LRRC24: variants seen among roughly 807,000 people sequenced by gnomAD.
The protein encoded by LRRC24 is leucine rich repeat containing 24.
LRRC24 carries 19 observed loss-of-function variants against 15.3 expected under a neutral mutation model. The observed-to-expected ratio is 1.25, with a 90% confidence interval of 0.87 to 1.83. The LOEUF is 1.83. LRRC24 is among the 40% of genes most tolerant of loss of function. LRRC24 has a pLI of 0.00. For synonymous variants in LRRC24, 469 were observed against 359.6 expected, an observed-to-expected ratio of 1.30 and a Z score of -3.44; for missense variants, 914 against 723.9, an observed-to-expected ratio of 1.26 and a Z score of -3.01.
At position 144,523,092 on chromosome 8, in the gene LRRC24, G is replaced by C; in HGVS notation, c.925C>G (p.Gln309Glu). The C allele has an allele frequency of 6.2e-7, 1 of 1,608,886 alleles. No homozygotes were observed. The highest frequency in any genetic ancestry group is 8.5e-7 in the Non-Finnish European group (1 of 1,179,360). ...PREGRPRAQA[Q>E]LEGGLLGLGG... ...AGGCCCAGCAACCCGCCTTCTAGCT[G>C]GGCCTGGGCTCGCGGCCGGCCCTCG... The change falls in exon 5 of 5, where the codon CAG becomes GAG. Residue 309 changes from glutamine (Q) to glutamate (E), a missense_variant. By Grantham distance (29) the Gln-to-Glu change is conservative. Transcript: ENST00000529415.
Position 144,524,948 on chromosome 8 carries a change from C to T in LRRC24, c.27G>A (p.Leu9=). The part of the protein sequence containing the change: MALRAPAL[L]PLLLLLLPLR... ...GCGGCAGTAGTAGCAGCAGCAGCGG[C>T]AGCAGTGCGGGGGCCCTCAGGGCCA... Residue 9 remains leucine, a synonymous_variant, in exon 2 of 5, where the codon CTG becomes CTA. Transcript: ENST00000529415. 1 of 1,504,804 alleles carries T rather than the reference C, an allele frequency of 6.6e-7. No individual in the cohort carries two copies. Among genetic ancestry groups the T allele is most frequent in the African/African-American group, 1.4e-5 (1 of 71,726 alleles). 93.2% of individuals were successfully genotyped at this position (1,504,804 alleles called of 1,614,324 possible).
In LRRC24 at chr8:144,523,208, G is replaced by T. The variant is rs1816199052; in HGVS notation, c.809C>A (p.Thr270Lys). The change falls in exon 5 of 5, where the codon ACA (threonine) becomes AAA (lysine). Residue 270 changes from threonine to lysine, a missense_variant. By Grantham distance (78) the Thr-to-Lys change is moderately conservative. Coordinates refer to ENST00000529415, the MANE Select transcript of LRRC24 (RefSeq NM_001024678.4). ...PSVHVQPLEL[T>K]ANLGEDLRVA... ...CCGCAGGTCCTCACCCAGGTTGGCT[G>T]TGAGCTCCAGCGGCTGCACGTGGAC... 6.2e-7 allele frequency: 1 copy of T among 1,609,472 alleles called. No homozygotes were observed. The highest frequency in any genetic ancestry group is 2.2e-5 in the East Asian group (1 of 44,690).
chr8:144,525,019 C>T lies in LRRC24; in HGVS notation c.-45G>A. ...CACCGGCCCTTCCGCGGTTCAGCCG[C>T]AGACGCGTGCCCTCCTGAAACACAG... On this transcript the variant is annotated 5_prime_UTR_variant, in exon 2 of 5. Transcript: ENST00000529415. The T allele has an allele frequency of 2.1e-6, 3 of 1,395,406 alleles. No individual in the cohort carries two copies. Among genetic ancestry groups the T allele is most frequent in the African/African-American group, 3.0e-5 (2 of 66,498 alleles). The allele number at this position is 1,395,406 out of a possible 1,614,324, so 86.4% of individuals were successfully genotyped here. A position where few individuals can be genotyped will look rare whatever the true frequency, so the allele number is the denominator to read the frequency against.
In LRRC24 at chr8:144,524,660, G is replaced by T. The variant is rs1277427461; in HGVS notation, c.219C>A (p.Leu73=). The T allele has an allele frequency of 2.0e-6, 3 of 1,495,360 alleles. No homozygotes were observed. The highest frequency in any genetic ancestry group is 2.6e-6 in the Non-Finnish European group (3 of 1,132,640). 92.6% of individuals were successfully genotyped at this position (1,495,360 alleles called of 1,614,324 possible). Residue 73 remains leucine, a synonymous_variant, in exon 3 of 5, where the codon CTC becomes CTA. Coordinates refer to ENST00000529415, the MANE Select transcript of LRRC24 (RefSeq NM_001024678.4). The stretch of plus-strand genomic sequence containing the variant: ...GCAGGTAGAGCCGGCGCAGAGCGGC[G>T]AGTGGCGCCAGGGCTCCCGGCTCTA... ...ARLEPGALAP[L]AALRRLYLHN... is the part of the protein sequence containing the mutation.
chr8:144,524,942 C>A lies in LRRC24; in HGVS notation c.33G>T (p.Leu11=). Reference sequence around the variant, plus strand: ...CGCGGAGCGGCAGTAGTAGCAGCAGCAGCGGCAGCAGTGCGGGGGCCCTCA... The same window carrying A: ...CGCGGAGCGGCAGTAGTAGCAGCAGAAGCGGCAGCAGTGCGGGGGCCCTCA... MALRAPALLP[L]LLLLLPLRAA... The change falls in exon 2 of 5, where the codon CTG becomes CTT. Residue 11 remains leucine, a synonymous_variant. Coordinates refer to ENST00000529415, the MANE Select transcript of LRRC24 (RefSeq NM_001024678.4). The A allele has an allele frequency of 2.3e-5, 35 of 1,506,114 alleles. No individual in the cohort carries two copies. Among genetic ancestry groups the A allele is most frequent in the Non-Finnish European group, 3.1e-5 (35 of 1,129,094 alleles). The allele number at this position is 1,506,114 out of a possible 1,614,324, so 93.3% of individuals were successfully genotyped here.
At chr8:144,523,783 CCT>C in intron 4 of LRRC24, 2 of 413,184 alleles carry the variant, frequency 4.8e-6, no homozygotes, top group Non-Finnish European at 8.6e-6. Flanking sequence ...CTTTGGATGC[CCT>C]CTCTTGGGAA....
chr8:144,522,760 C>T lies in LRRC24; in HGVS notation c.1257G>A (p.Leu419=), dbSNP rs552819372. 7.0e-6 allele frequency: 11 copies of T among 1,578,294 alleles called. No homozygotes were observed. In the African/African-American group the frequency reaches 9.6e-5, roughly 14 times the overall value. The change falls in exon 5 of 5, where the codon CTG becomes CTA. Residue 419 remains leucine, a synonymous_variant. Transcript: ENST00000529415. ...GGCGACAGATCATGGCGACCAGGAG[C>T]AGCGCCGTGAGCGCCAGCAGCGCGA... The part of the protein sequence containing the change: ...AAIALLALTA[L]LLVAMICRRR...
In LRRC24 at chr8:144,524,490, G is replaced by T. The variant is rs1224660412; in HGVS notation, c.389C>A (p.Ala130Glu). ...CAGCAGCCGCGCCAGCTGGTTGCCC[G>T]CCAGGTAGAGCACGCGCAGCTGGGC... The part of the protein sequence containing the change: ...GLAQLRVLYL[A>E]GNQLARLLDF... Residue 130 changes from alanine (A) to glutamate (E), a missense_variant, in exon 3 of 5, where the codon GCG (alanine) becomes GAG (glutamate). Physicochemically the swap from Ala to Glu is moderately radical, Grantham distance 107. Coordinates refer to ENST00000529415, the MANE Select transcript of LRRC24 (RefSeq NM_001024678.4). The T allele has an allele frequency of 1.6e-5, 26 of 1,597,436 alleles. No individual in the cohort carries two copies. Among genetic ancestry groups the T allele is most frequent in the Non-Finnish European group, 2.2e-5 (26 of 1,179,730 alleles).
At chr8:144,523,438 C>T (rs764727381) in intron 4 of LRRC24, 29 bp from the exon 5 acceptor site, 11 of 1,506,506 alleles carry the variant, frequency 7.3e-6, no homozygotes, top group Middle Eastern at 1.8e-4. Context: ...AGGCAGGTGG[C>T]TTGAGGGTGC....
At position 144,524,840 on chromosome 8, in the gene LRRC24, C is replaced by G. The variant is rs1038035739; in HGVS notation, c.135G>C (p.Pro45=). Residue 45 remains proline (P), a synonymous_variant, in exon 2 of 5, where the codon CCG becomes CCC. Coordinates refer to ENST00000529415, the MANE Select transcript of LRRC24 (RefSeq NM_001024678.4). ...CCTGCGTCCCTGGCGGGATTCCCAGCGGGACGACGCGCAACCGCAGGGCGC... is the reference window on the plus strand; with the variant it reads ...CCTGCGTCCCTGGCGGGATTCCCAGGGGGACGACGCGCAACCGCAGGGCGC... ...ECGALRLRVV[P]LGIPPGTQTL... is the part of the protein sequence containing the mutation. 1.4e-6 allele frequency: 2 copies of G among 1,479,010 alleles called. No homozygotes were observed. Among genetic ancestry groups the G allele is most frequent in the African/African-American group, 1.4e-5 (1 of 70,250 alleles). 91.6% of individuals were successfully genotyped at this position (1,479,010 alleles called of 1,614,324 possible). A position where few individuals can be genotyped will look rare whatever the true frequency, so the allele number is the denominator to read the frequency against.
At position 144,525,025 on chromosome 8, in the gene LRRC24, C is replaced by A. The variant is rs1038063844; in HGVS notation, c.-51G>T. 26 of 1,381,574 alleles carry A rather than the reference C, an allele frequency of 1.9e-5. No homozygotes were observed. Among genetic ancestry groups the A allele is most frequent in the African/African-American group, 3.0e-5 (2 of 65,848 alleles). The allele number at this position is 1,381,574 out of a possible 1,614,324, so 85.6% of individuals were successfully genotyped here. On this transcript the variant is annotated 5_prime_UTR_variant, in exon 2 of 5. Coordinates refer to ENST00000529415, the MANE Select transcript of LRRC24 (RefSeq NM_001024678.4). Reference sequence around the variant, plus strand: ...CCCTTCCGCGGTTCAGCCGCAGACGCGTGCCCTCCTGAAACACAGGTTGGC... The same window carrying A: ...CCCTTCCGCGGTTCAGCCGCAGACGAGTGCCCTCCTGAAACACAGGTTGGC...
intron 1 of LRRC24, among the ~76,000 whole-genome samples, chr8:144,525,528 A>T (rs1816331619): frequency 6.6e-6 from 1 of 152,132 alleles, no homozygotes; most frequent in Non-Finnish European, 1.5e-5. Context: ...CCTCCTTGTT[A>T]TCCTGTGGGG....
Position 144,523,075 on chromosome 8 carries a change from C to T in LRRC24, c.942G>A (p.Leu314=), listed in dbSNP as rs776768984. ...PRAQAQLEGG[L]LGLGGHSASD... ...ATGCCGAGTGTCCGCCCAGGCCCAG[C>T]AACCCGCCTTCTAGCTGGGCCTGGG... Residue 314 remains leucine (L), a synonymous_variant, in exon 5 of 5, where the codon TTG becomes TTA. Coordinates refer to ENST00000529415, the MANE Select transcript of LRRC24 (RefSeq NM_001024678.4). The T allele has an allele frequency of 1.4e-5, 22 of 1,607,704 alleles. No individual in the cohort carries two copies. The highest frequency in any genetic ancestry group is 1.8e-5 in the Non-Finnish European group (21 of 1,178,980).
intron 1 of LRRC24, among the ~76,000 whole-genome samples, chr8:144,525,491 G>A (rs1259491438): frequency 6.6e-6 from 1 of 152,210 alleles, no homozygotes; most frequent in Non-Finnish European, 1.5e-5. Flanking sequence ...TGGCTAGGAG[G>A]GGGAGAGCAG....
At chr8:144,526,226 A>G (rs898474238) in intron 1 of LRRC24, 1 of 152,260 alleles carries the variant, frequency 6.6e-6, no homozygotes, top group East Asian at 1.9e-4. Context: ...AAGTAAGCAC[A>G]GCAATAAAGT....
chr8:144,523,546 A>T, intron 4 of LRRC24, 137 bp from the exon 5 acceptor site: 1 of 1,329,088 alleles, frequency 7.5e-7, no homozygotes, highest in South Asian at 2.0e-5. Context: ...AGGCCCTGCC[A>T]CCCCTTCCTT....
Position 144,524,189 on chromosome 8 carries a change from G to A in LRRC24, c.528C>T (p.Asp176=). 2 of 1,612,194 alleles carry A rather than the reference G, an allele frequency of 1.2e-6. No homozygotes were observed. The highest frequency in any genetic ancestry group is 1.1e-5 in the South Asian group (1 of 91,074). ...TGGTGCCCAGCTGGTTCCTGCTGAG[G>A]TCCAGCAGTGCTAGGGAGGACAGCC... ...LAGLSSLALL[D]LSRNQLGTIS... is the part of the protein sequence containing the mutation. Residue 176 remains aspartate, a synonymous_variant, in exon 4 of 5, where the codon GAC becomes GAT. Transcript: ENST00000529415.
In LRRC24 at chr8:144,523,031, A is replaced by G; in HGVS notation, c.986T>C (p.Met329Thr). Residue 329 changes from methionine (M) to threonine (T), a missense_variant, in exon 5 of 5, where the codon ATG becomes ACG. Physicochemically the swap from Met to Thr is moderately conservative, Grantham distance 81. Coordinates refer to ENST00000529415, the MANE Select transcript of LRRC24 (RefSeq NM_001024678.4). ...GHSASDTGSG[M>T]LFLSNITLAH... ...CAGCGTGATGTTGCTGAGGAAGAGC[A>G]TGCCGCTGCCCGTGTCGGATGCCGA... The G allele has an allele frequency of 6.2e-7, 1 of 1,601,084 alleles. No homozygotes were observed. Among genetic ancestry groups the G allele is most frequent in the Non-Finnish European group, 8.5e-7 (1 of 1,175,856 alleles).
intron 4 of LRRC24, 186 bp from the exon 5 acceptor site, chr8:144,523,595 G>GC (rs1816222329): frequency 1.1e-6 from 1 of 882,652 alleles, no homozygotes. Context: ...CTTCACCCTC[G>GC]CCCCCCTCCC....
Sources: allele counts gnomAD v4.1 joint callset (sites outside exome capture counted in the v4.1 genomes callset), GRCh38; gene constraint gnomAD v4.1.1; transcripts MANE v1.5; gene names NCBI Gene and HGNC (gene_info 2026-07-23, HGNC 2026-07-21).